VEGFC: variants seen among roughly 807,000 people sequenced by gnomAD.
VEGFC encodes the protein vascular endothelial growth factor C, also known as FLT4 ligand DHM.
Under a neutral mutation model 46.1 loss-of-function variants are expected in VEGFC, and 12 were observed. The ratio of observed to expected loss-of-function variants is 0.26; its 90% CI spans 0.17 to 0.42. The LOEUF (loss-of-function observed/expected upper bound fraction) is 0.42, where lower values mean the gene tolerates loss of function less well. Among genes scored for constraint, VEGFC ranks in the 10% least tolerant of loss-of-function variants. The probability of loss-of-function intolerance (pLI) is 1.00; values close to 1 mark genes in which losing one functional copy is unlikely to be tolerated. For synonymous variants in VEGFC, 232 were observed against 195.5 expected, an observed-to-expected ratio of 1.19 and a Z score of -1.56; for missense variants, 488 against 529.4, an observed-to-expected ratio of 0.92 and a Z score of 0.77.
At chr4:176,690,032 T>G (rs1734124091) in intron 4 of VEGFC, among the ~76,000 whole-genome samples, 1 of 152,184 alleles carries the variant, frequency 6.6e-6, no homozygotes, top group South Asian at 2.1e-4. Flanking sequence ...AATAGATTAC[T>G]GATCTTAAGC....
intron 1 of VEGFC, among the ~76,000 whole-genome samples, chr4:176,779,564 AG>A (rs1735871971): frequency 6.6e-6 from 1 of 152,190 alleles, no homozygotes; most frequent in African/African-American, 2.4e-5. Flanking sequence ...GTGAGCACCC[AG>A]GGGCACATCA....
rs1734072424 is a variant in VEGFC at position 176,687,815 on chromosome 4, G to A, written c.811+6C>T. 6.3e-7 allele frequency: 1 copy of A among 1,598,300 alleles called. No homozygotes were observed. The highest frequency in any genetic ancestry group is 1.7e-5 in the Admixed American group (1 of 59,308). On this transcript the variant is annotated splice_donor_region_variant and intron_variant, in intron 5 of 6. Transcript: ENST00000618562. The stretch of plus-strand genomic sequence containing the variant: ...CGTTTAGTCTTTAAAGCATCATTCT[G>A]CTTACCATCTCCAGCATCCGAGGAA...
intron 4 of VEGFC, among the ~76,000 whole-genome samples, chr4:176,689,912 T>C (rs1477034354): frequency 1.3e-5 from 2 of 152,232 alleles, no homozygotes; most frequent in South Asian, 2.1e-4. Flanking sequence ...CTACAGGCAT[T>C]ATTAGGTATC....
chr4:176,684,444 G>A (rs888503260), intron 6 of VEGFC, among the ~76,000 whole-genome samples: 1 of 152,156 alleles, frequency 6.6e-6, no homozygotes, highest in Non-Finnish European at 1.5e-5. Context: ...AGACTTCCAG[G>A]CAATTAAACC....
intron 1 of VEGFC, among the ~76,000 whole-genome samples, chr4:176,754,440 G>A (rs1034032732): frequency 2.3e-4 from 35 of 152,098 alleles, no homozygotes; most frequent in African/African-American, 4.3e-4. Context: ...AGGGGCTCTG[G>A]AGAAGAATAC....
chr4:176,694,570 C>T (rs1353067792), intron 4 of VEGFC, among the ~76,000 whole-genome samples: 2 of 151,912 alleles, frequency 1.3e-5, no homozygotes, highest in Non-Finnish European at 2.9e-5. Flanking sequence ...GACAGATCAA[C>T]GAGACAGAAA....
In VEGFC at chr4:176,703,699, A is replaced by G. The variant is rs567510502; in HGVS notation, c.704+7800T>C. ...TCCAAAATATCCTGAGCTGACCATT[A>G]CGCATTATATGTATGTATCAAAATA... On this transcript the variant is annotated intron_variant, in intron 4 of 6. Coordinates refer to ENST00000618562, the MANE Select transcript of VEGFC (RefSeq NM_005429.5). Among the ~76,000 whole-genome samples the G allele has an allele frequency of 6.6e-5, 10 of 152,288 alleles. No individual in the cohort carries two copies. The South Asian group carries it at 2.1e-3, about 32-fold the overall frequency.
chr4:176,768,241 A>G (rs1410899440), intron 1 of VEGFC, among the ~76,000 whole-genome samples: 4 of 152,076 alleles, frequency 2.6e-5, no homozygotes, highest in African/African-American at 9.7e-5. Flanking sequence ...TGGACTAAAG[A>G]TACAGATATG....
intron 1 of VEGFC, among the ~76,000 whole-genome samples, chr4:176,790,216 A>G (rs1318538806): frequency 6.6e-6 from 1 of 152,196 alleles, no homozygotes; most frequent in African/African-American, 2.4e-5. Flanking sequence ...ACTTTAATGG[A>G]GCAATGAAAT....
intron 3 of VEGFC, among the ~76,000 whole-genome samples, chr4:176,713,022 A>G (rs1275574618): frequency 6.6e-6 from 1 of 152,210 alleles, no homozygotes; most frequent in African/African-American, 2.4e-5. Context: ...TTTGATAATC[A>G]GTAAACTAAG....
rs140491492 is a variant in VEGFC, at chr4:176,736,418, T to C, written c.148-6672A>G. Among the ~76,000 whole-genome samples the C allele has an allele frequency of 2.3e-3, 347 of 151,862 alleles. 3 individuals are homozygous for C. Among genetic ancestry groups the C allele is most frequent in the Admixed American group, 0.02 (299 of 15,156 alleles). ...GAATTTTACTCAGCTGTACCACTTA[T>C]CACCTGTGGAACTTGAGTACATCAT... On this transcript the variant is annotated intron_variant, in intron 1 of 6. Transcript: ENST00000618562.
At chr4:176,733,543 C>A (rs1735002129) in intron 1 of VEGFC, among the ~76,000 whole-genome samples, 1 of 151,798 alleles carries the variant, frequency 6.6e-6, no homozygotes. Flanking sequence ...ATATAACATT[C>A]TTTAATAGGC....
At chr4:176,694,381 A>T (rs1449195000) in intron 4 of VEGFC, among the ~76,000 whole-genome samples, 1 of 152,184 alleles carries the variant, frequency 6.6e-6, no homozygotes, top group East Asian at 1.9e-4. Context: ...AAGAGACAAA[A>T]AAGGCCATTA....
chr4:176,724,099 C>G (rs1170918082), intron 3 of VEGFC, among the ~76,000 whole-genome samples: 1 of 152,128 alleles, frequency 6.6e-6, no homozygotes, highest in East Asian at 1.9e-4. Flanking sequence ...TTTAAAAGAT[C>G]AAGCTAAATT....
chr4:176,700,277 T>G (rs967976343), intron 4 of VEGFC, among the ~76,000 whole-genome samples: 1 of 151,976 alleles, frequency 6.6e-6, no homozygotes, highest in Non-Finnish European at 1.5e-5. Context: ...ATTAGCCAGG[T>G]GTGGTGGCAC....
chr4:176,738,021 G>T (rs1735085550), intron 1 of VEGFC, among the ~76,000 whole-genome samples: 2 of 151,872 alleles, frequency 1.3e-5, no homozygotes, highest in South Asian at 4.1e-4. Flanking sequence ...TCTTCAAGGA[G>T]AAGTACAAAC....
intron 1 of VEGFC, among the ~76,000 whole-genome samples, chr4:176,787,961 C>A (rs1222556774): frequency 6.6e-6 from 1 of 152,052 alleles, no homozygotes; most frequent in Non-Finnish European, 1.5e-5. Flanking sequence ...AAAAGGTAGA[C>A]CCATATAGTA....
At chr4:176,719,247 A>G (rs1734742081) in intron 3 of VEGFC, among the ~76,000 whole-genome samples, 1 of 152,216 alleles carries the variant, frequency 6.6e-6, no homozygotes, top group South Asian at 2.1e-4. Flanking sequence ...CATCATGCCA[A>G]TTGGTGGCTT....
Position 176,731,425 on chromosome 4 carries a change from G to A in VEGFC, c.148-1679C>T, listed in dbSNP as rs185320891. ...CAATGTACATGTACAGCAAAACATCGCATCACATACCTTAAATATATACCA... is the reference window on the plus strand; with the variant it reads ...CAATGTACATGTACAGCAAAACATCACATCACATACCTTAAATATATACCA... On this transcript the variant is annotated intron_variant, in intron 1 of 6. Coordinates refer to ENST00000618562, the MANE Select transcript of VEGFC (RefSeq NM_005429.5). Among the ~76,000 whole-genome samples the A allele has an allele frequency of 9.1e-4, 138 of 151,898 alleles. 1 individual carries two copies. Among genetic ancestry groups the A allele is most frequent in the Admixed American group, 2.0e-3 (31 of 15,222 alleles).
Sources: gnomAD v4.1 joint callset for allele counts (sites outside exome capture counted in the v4.1 genomes callset) on GRCh38, gnomAD v4.1.1 for gene constraint, MANE v1.5 for transcripts, NCBI Gene and HGNC (gene_info 2026-07-23, HGNC 2026-07-21) for gene names.